The following ZNF784 variants were observed in gnomAD, a reference collection of about 807,000 sequenced individuals.
ZNF784 encodes the protein zinc finger protein 784.
In ZNF784, 5 loss-of-function variants were observed where a neutral mutation model predicts 3.3. The ratio of observed to expected loss-of-function variants is 1.53; its 90% CI spans 0.80 to 3.22. The LOEUF (loss-of-function observed/expected upper bound fraction) is 3.22. Among genes scored for constraint, ZNF784 ranks in the 30% most tolerant of loss-of-function variants. The probability of loss-of-function intolerance (pLI) is 0.00; values close to 1 mark genes in which losing one functional copy is unlikely to be tolerated. For missense variants in ZNF784, 501 were observed against 480.7 expected (o/e 1.04, Z -0.39); for synonymous variants, 231 against 219.6 (o/e 1.05, Z -0.46).
chr19:55,621,121 A>G lies in ZNF784; in HGVS notation c.*630T>C, dbSNP rs2292811. On this transcript the variant is annotated 3_prime_UTR_variant, in exon 2 of 2. Transcript: ENST00000325351. The surrounding 1 kb of genome is among the most constrained non-coding windows in gnomAD (Gnocchi z 4.1). ...GGGGGTTGCCGCTGTTGGAGTCAAGATCCTATGGTCAGGCTTACATCCTTG... is the reference window on the plus strand; with the variant it reads ...GGGGGTTGCCGCTGTTGGAGTCAAGGTCCTATGGTCAGGCTTACATCCTTG... The G allele has an allele frequency of 0.15, 24,030 of 156,328 alleles. 2,043 individuals are homozygous for G. Among genetic ancestry groups the G allele is most frequent in the East Asian group, 0.29 (1,488 of 5,172 alleles). 9.7% of individuals were successfully genotyped at this position (156,328 alleles called of 1,614,324 possible).
chr19:55,623,168 TC>T (rs1362559310), intron 1 of ZNF784, among the ~76,000 whole-genome samples: 2 of 152,152 alleles, frequency 1.3e-5, no homozygotes, highest in Admixed American at 1.3e-4. Context: ...AGAACAAGAC[TC>T]CATCTTAGAC....
intron 1 of ZNF784, among the ~76,000 whole-genome samples, chr19:55,623,238 T>G (rs1373807777): frequency 6.6e-6 from 1 of 152,188 alleles, no homozygotes; most frequent in Non-Finnish European, 1.5e-5. Flanking sequence ...CCCACTATGT[T>G]GCCCAGGCTG....
Position 55,622,042 on chromosome 19 carries a change from GC to G in ZNF784, c.680del (p.Gly227AlafsTer77), listed in dbSNP as rs777819990. 1 of 1,592,260 alleles carries G rather than the reference GC, an allele frequency of 6.3e-7. No homozygotes were observed. ...VHTGERPYHC[G>X]ICGKGFTQSS... Reference sequence around the variant, plus strand: ...ACTGGGTGAAGCCCTTGCCGCAGATGCCGCAATGGTATGGCCGCTCGCCAGT... The same window carrying G: ...ACTGGGTGAAGCCCTTGCCGCAGATGCGCAATGGTATGGCCGCTCGCCAGT... On this transcript the variant is annotated frameshift_variant, in exon 2 of 2. Coordinates refer to ENST00000325351, the MANE Select transcript of ZNF784 (RefSeq NM_203374.2). LOFTEE classifies it low-confidence loss of function (END_TRUNC). This position sits in a 1 kb window ranked among gnomAD's most constrained non-coding sequence, Gnocchi z 5.9.
chr19:55,621,641 TC>T lies in ZNF784; in HGVS notation c.*109del, dbSNP rs1352271080. On this transcript the variant is annotated 3_prime_UTR_variant, in exon 2 of 2. Coordinates refer to ENST00000325351, the MANE Select transcript of ZNF784 (RefSeq NM_203374.2). The surrounding 1 kb of genome is among the most constrained non-coding windows in gnomAD (Gnocchi z 4.1). ...CAACCATCCCTGCAGCTGTCATCTCTCCCCCAATCTCCCCTCTTCTGTCCCC... is the reference window on the plus strand; with the variant it reads ...CAACCATCCCTGCAGCTGTCATCTCTCCCCAATCTCCCCTCTTCTGTCCCC... 4.4e-6 allele frequency: 6 copies of T among 1,367,888 alleles called. No individual in the cohort carries two copies. The highest frequency in any genetic ancestry group is 6.0e-6 in the Non-Finnish European group (6 of 1,007,626). 84.7% of individuals were successfully genotyped at this position (1,367,888 alleles called of 1,614,324 possible).
intron 1 of ZNF784, among the ~76,000 whole-genome samples, chr19:55,623,743 G>T (rs1474800502): frequency 3.3e-5 from 5 of 151,970 alleles, no homozygotes; most frequent in African/African-American, 7.3e-5. Flanking sequence ...ATAGAAATTG[G>T]CTCAATTTTT....
chr19:55,622,165 C>G lies in ZNF784; in HGVS notation c.558G>C (p.Ala186=), dbSNP rs936982438. 2.0e-6 allele frequency: 3 copies of G among 1,533,182 alleles called. No homozygotes were observed. The African/African-American group carries it at 4.1e-5, about 21-fold the overall frequency. The allele number at this position is 1,533,182 out of a possible 1,614,324, so 95.0% of individuals were successfully genotyped here. A position where few individuals can be genotyped will look rare whatever the true frequency, so the allele number is the denominator to read the frequency against. ...PERAEVVMAA[A]AAGAAVGKPF... Reference sequence around the variant, plus strand: ...GCTTCCCCACCGCTGCGCCCGCCGCCGCCGCCGCCATCACCACCTCCGCCC... The same window carrying G: ...GCTTCCCCACCGCTGCGCCCGCCGCGGCCGCCGCCATCACCACCTCCGCCC... The change falls in exon 2 of 2, where the codon GCG becomes GCC. Residue 186 remains alanine (A), a synonymous_variant. Transcript: ENST00000325351. This position sits in a 1 kb window ranked among gnomAD's most constrained non-coding sequence, Gnocchi z 5.9.
rs756987710 is a variant in ZNF784, at chr19:55,622,692, C to T, written c.79-48G>A. ...GGAGCCTGTGGAACCTGCCTCAGGA[C>T]CGCCCCAGCACGCCCCAATTATTAA... On this transcript the variant is annotated intron_variant, in intron 1 of 1. Coordinates refer to ENST00000325351, the MANE Select transcript of ZNF784 (RefSeq NM_203374.2). The surrounding 1 kb of genome is among the most constrained non-coding windows in gnomAD (Gnocchi z 5.9). 9.7e-6 allele frequency: 14 copies of T among 1,450,114 alleles called. No homozygotes were observed. Among genetic ancestry groups the T allele is most frequent in the Non-Finnish European group, 6.4e-6 (7 of 1,091,548 alleles). 89.8% of individuals were successfully genotyped at this position (1,450,114 alleles called of 1,614,324 possible).
In ZNF784 at chr19:55,622,196, G is replaced by A. The variant is rs902659886; in HGVS notation, c.527C>T (p.Pro176Leu). The change falls in exon 2 of 2, where the codon CCG (proline) becomes CTG (leucine). Residue 176 changes from proline to leucine, a missense_variant. Coordinates refer to ENST00000325351, the MANE Select transcript of ZNF784 (RefSeq NM_203374.2). This position sits in a 1 kb window ranked among gnomAD's most constrained non-coding sequence, Gnocchi z 5.9. ...CGCCATCACCACCTCCGCCCTCTCC[G>A]GGGCCACCCCGGGCCTCTGTTCTGC... ...AVAEQRPGVA[P>L]ERAEVVMAAA... 63 of 1,533,858 alleles carry A rather than the reference G, an allele frequency of 4.1e-5. No homozygotes were observed. In the Admixed American group the frequency reaches 9.8e-4, roughly 24 times the overall value.
In ZNF784 at chr19:55,622,224, C is replaced by A; in HGVS notation, c.499G>T (p.Val167Phe). The A allele has an allele frequency of 6.5e-7, 1 of 1,535,490 alleles. No homozygotes were observed. The highest frequency in any genetic ancestry group is 2.4e-5 in the East Asian group (1 of 40,894). ...TSRRPPDTAA[V>F]AEQRPGVAPE... ...GCCACCCCGGGCCTCTGTTCTGCAACGGCCGCTGTGTCCGGAGGCCTCCGA... is the reference window on the plus strand; with the variant it reads ...GCCACCCCGGGCCTCTGTTCTGCAAAGGCCGCTGTGTCCGGAGGCCTCCGA... The change falls in exon 2 of 2, where the codon GTT becomes TTT. Residue 167 changes from valine (V) to phenylalanine (F), a missense_variant. Physicochemically the swap from Val to Phe is conservative, Grantham distance 50 (BLOSUM62 -1). Coordinates refer to ENST00000325351, the MANE Select transcript of ZNF784 (RefSeq NM_203374.2). This position sits in a 1 kb window ranked among gnomAD's most constrained non-coding sequence, Gnocchi z 5.9.
chr19:55,622,985 T>C lies in ZNF784; in HGVS notation c.79-341A>G, dbSNP rs1297357260. On this transcript the variant is annotated intron_variant, in intron 1 of 1. Transcript: ENST00000325351. The surrounding 1 kb of genome is among the most constrained non-coding windows in gnomAD (Gnocchi z 5.9). ...TGAGGTCAGGAGTTCGAAACCAGCC[T>C]GGCCAACATGGCAAATACCGTTTCT... 6.6e-6 allele frequency among the ~76,000 whole-genome samples: 1 copy of C among 152,200 alleles called. No individual in the cohort carries two copies. The highest frequency in any genetic ancestry group is 1.5e-5 in the Non-Finnish European group (1 of 68,026).
chr19:55,622,243 C>T lies in ZNF784; in HGVS notation c.480G>A (p.Arg160=). ...CTGCAACGGCCGCTGTGTCCGGAGG[C>T]CTCCGAGAGGTGCCCGGCTCCACCC... ...RHGVEPGTSR[R]PPDTAAVAEQ... The change falls in exon 2 of 2, where the codon AGG becomes AGA. Residue 160 remains arginine (R), a synonymous_variant. Coordinates refer to ENST00000325351, the MANE Select transcript of ZNF784 (RefSeq NM_203374.2). The surrounding 1 kb of genome is among the most constrained non-coding windows in gnomAD (Gnocchi z 5.9). The T allele has an allele frequency of 6.5e-7, 1 of 1,535,868 alleles. No individual in the cohort carries two copies.
At chr19:55,623,082 A>G (rs566656025) in intron 1 of ZNF784, among the ~76,000 whole-genome samples, 2 of 152,314 alleles carry the variant, frequency 1.3e-5, no homozygotes, top group South Asian at 4.1e-4. Context: ...AGACTAAGAC[A>G]CGAGAATCGC....
Position 55,622,297 on chromosome 19 carries a change from C to G in ZNF784, c.426G>C (p.Ala142=). The change falls in exon 2 of 2, where the codon GCG becomes GCC. Residue 142 remains alanine (A), a synonymous_variant. Coordinates refer to ENST00000325351, the MANE Select transcript of ZNF784 (RefSeq NM_203374.2). This position sits in a 1 kb window ranked among gnomAD's most constrained non-coding sequence, Gnocchi z 5.9. ...ALCPRAFKAL[A]PLLRHQHRHG... Reference sequence around the variant, plus strand: ...GCCGGTGCTGGTGCCGGAGCAGGGGCGCCAAGGCCTTGAAGGCGCGGGGGC... The same window carrying G: ...GCCGGTGCTGGTGCCGGAGCAGGGGGGCCAAGGCCTTGAAGGCGCGGGGGC... 6.6e-7 allele frequency: 1 copy of G among 1,521,254 alleles called. No homozygotes were observed. 94.2% of individuals were successfully genotyped at this position (1,521,254 alleles called of 1,614,324 possible). A position where few individuals can be genotyped will look rare whatever the true frequency, so the allele number is the denominator to read the frequency against.
intron 1 of ZNF784, 83 bp downstream of exon 1, chr19:55,624,401 T>C (rs1206310453): frequency 8.5e-6 from 4 of 468,306 alleles, no homozygotes; most frequent in Admixed American, 3.3e-5. Context: ...CACCCCCTCA[T>C]AGGCCACGCC....
Position 55,621,915 on chromosome 19 carries a change from G to A in ZNF784, c.808C>T (p.His270Tyr). The change falls in exon 2 of 2, where the codon CAC becomes TAC. Residue 270 changes from histidine (H) to tyrosine (Y), a missense_variant. Coordinates refer to ENST00000325351, the MANE Select transcript of ZNF784 (RefSeq NM_203374.2). This position sits in a 1 kb window ranked among gnomAD's most constrained non-coding sequence, Gnocchi z 4.1. ...GGCCCGTGGAAGTGGGTGCGCTGGTGCTTGCGGAAGTTGGAGGAGTTGTTG... is the reference window on the plus strand; with the variant it reads ...GGCCCGTGGAAGTGGGTGCGCTGGTACTTGCGGAAGTTGGAGGAGTTGTTG... Reference protein sequence around the residue: ...TFNNSSNFRKHQRTHFHGPGP... With the variant: ...TFNNSSNFRKYQRTHFHGPGP... The A allele has an allele frequency of 6.3e-7, 1 of 1,594,726 alleles. No homozygotes were observed. Among genetic ancestry groups the A allele is most frequent in the Non-Finnish European group, 8.5e-7 (1 of 1,176,448 alleles).
intron 1 of ZNF784, among the ~76,000 whole-genome samples, chr19:55,623,792 T>C (rs1012774143): frequency 3.3e-5 from 5 of 152,160 alleles, no homozygotes; most frequent in African/African-American, 1.2e-4. Context: ...CTCTCCTTTA[T>C]TGTCTCTCTC....
intron 1 of ZNF784, among the ~76,000 whole-genome samples, chr19:55,624,214 C>A (rs938375951): frequency 1.3e-5 from 2 of 151,564 alleles, no homozygotes; most frequent in Admixed American, 1.3e-4. Context: ...TGGACCCAAA[C>A]CCGTCCCACA....
At chr19:55,624,142 G>T (rs1408236186) in intron 1 of ZNF784, among the ~76,000 whole-genome samples, 1 of 151,820 alleles carries the variant, frequency 6.6e-6, no homozygotes, top group Non-Finnish European at 1.5e-5. Flanking sequence ...AATTTATGAG[G>T]CCCCGCCCCT....
In ZNF784 at chr19:55,622,221, C is replaced by T. The variant is rs745896585; in HGVS notation, c.502G>A (p.Ala168Thr). 3.9e-6 allele frequency: 6 copies of T among 1,535,368 alleles called. No individual in the cohort carries two copies. In the South Asian group the frequency reaches 7.2e-5, roughly 18 times the overall value. ...GGGGCCACCCCGGGCCTCTGTTCTG[C>T]AACGGCCGCTGTGTCCGGAGGCCTC... ...SRRPPDTAAVAEQRPGVAPER... is the reference protein window; with the variant it reads ...SRRPPDTAAVTEQRPGVAPER... The change falls in exon 2 of 2, where the codon GCA (alanine) becomes ACA (threonine). Residue 168 changes from alanine to threonine, a missense_variant. Coordinates refer to ENST00000325351, the MANE Select transcript of ZNF784 (RefSeq NM_203374.2). This position sits in a 1 kb window ranked among gnomAD's most constrained non-coding sequence, Gnocchi z 5.9.
Sources: gnomAD v4.1 joint callset for allele counts (sites outside exome capture counted in the v4.1 genomes callset) on GRCh38, gnomAD v4.1.1 for gene constraint, Gnocchi (gnomAD v3.1) non-coding constraint, MANE v1.5 for transcripts, NCBI Gene and HGNC (gene_info 2026-07-23, HGNC 2026-07-21) for gene names.